The following SAMD5 variants were observed in gnomAD, a reference collection of about 807,000 sequenced individuals.
SAMD5 encodes sterile alpha motif domain-containing protein 5.
SAMD5 carries 13 observed loss-of-function variants against 11.3 expected under a neutral mutation model. That is an observed-to-expected ratio of 1.15 (90% CI 0.75 to 1.83). The LOEUF (loss-of-function observed/expected upper bound fraction) is 1.83, where lower values mean the gene tolerates loss of function less well. Ranked by LOEUF, SAMD5 falls within the 40% of genes most tolerant of loss-of-function variation. The pLI is 0.00. For missense variants in SAMD5, 255 were observed against 239.1 expected (o/e 1.07, Z -0.44); for synonymous variants, 129 against 111.3 (o/e 1.16, Z -1.00).
At chr6:147,930,955 A>G in the SAMD5 span, among the ~76,000 whole-genome samples, 70,464 of 152,010 alleles carry the variant, frequency 0.46, 16,978 homozygotes, top group South Asian at 0.66. Flanking sequence ...AGTCTCCTCC[A>G]GAAACACCCT....
the SAMD5 span, among the ~76,000 whole-genome samples, chr6:147,929,777 G>A: frequency 3.3e-5 from 5 of 152,198 alleles, no homozygotes; most frequent in South Asian, 4.2e-4. Flanking sequence ...GTAACATTGG[G>A]GGGGAAAGTA....
chr6:147,566,427 C>T lies in SAMD5; in HGVS notation c.*1971C>T, dbSNP rs191850509. On this transcript the variant is annotated 3_prime_UTR_variant, in exon 2 of 2. Coordinates refer to ENST00000367474, the MANE Select transcript of SAMD5 (RefSeq NM_001030060.3). ...CCTGTTTGACCTCATTTCCAGGTGT[C>T]GCATCCGTGGCTGATTTATTTCACA... 95 of 984,514 alleles carry T rather than the reference C, an allele frequency of 9.6e-5. No homozygotes were observed. Among genetic ancestry groups the T allele is most frequent in the South Asian group, 9.4e-5 (2 of 21,254 alleles). 61.0% of individuals were successfully genotyped at this position (984,514 alleles called of 1,614,324 possible).
At chr6:147,579,512 C>T (rs1470200483) in intron 1 of SAMD5, among the ~76,000 whole-genome samples, 1 of 119,246 alleles carries the variant, frequency 8.4e-6, no homozygotes, top group Non-Finnish European at 1.6e-5. Context: ...GCAGTGCAGG[C>T]TAAAGTGCAG....
chr6:147,668,749 C>T (rs2128455232), intron 1 of SAMD5, among the ~76,000 whole-genome samples: 1 of 152,168 alleles, frequency 6.6e-6, no homozygotes, highest in South Asian at 2.1e-4. Flanking sequence ...GAGGCTGAGG[C>T]AGGAGAATAG....
chr6:147,577,891 A>T (rs1209475543), intron 1 of SAMD5, among the ~76,000 whole-genome samples: 1 of 152,156 alleles, frequency 6.6e-6, no homozygotes, highest in African/African-American at 2.4e-5. Flanking sequence ...CCACATCACA[A>T]ACCATAGCAT....
chr6:147,936,433 T>G, the SAMD5 span, among the ~76,000 whole-genome samples: 2 of 121,326 alleles, frequency 1.6e-5, no homozygotes, highest in African/African-American at 3.2e-5. Flanking sequence ...AGAGCAGGAG[T>G]GGCGAGGGGC....
At chr6:147,914,009 T>C in the SAMD5 span, among the ~76,000 whole-genome samples, 1 of 151,994 alleles carries the variant, frequency 6.6e-6, no homozygotes, top group Non-Finnish European at 1.5e-5. Context: ...GAGAAATAGG[T>C]GATTGCAGTG....
At chr6:147,694,135 C>T (rs1317876348) in intron 1 of SAMD5, among the ~76,000 whole-genome samples, 4 of 152,236 alleles carry the variant, frequency 2.6e-5, no homozygotes, top group Non-Finnish European at 4.4e-5. Context: ...GTTGGTTCCT[C>T]TGCAAATTAA....
chr6:147,603,985 G>A (rs568629600), intron 1 of SAMD5, among the ~76,000 whole-genome samples: 4 of 152,126 alleles, frequency 2.6e-5, no homozygotes, highest in Admixed American at 6.5e-5. Flanking sequence ...GAGGTGGCAT[G>A]TATATTTTTA....
the SAMD5 span, among the ~76,000 whole-genome samples, chr6:147,799,862 G>T: frequency 6.6e-6 from 1 of 151,762 alleles, no homozygotes; most frequent in Non-Finnish European, 1.5e-5. Context: ...TGATCACATC[G>T]GCTCCTGAGG....
chr6:147,606,554 TA>T (rs11292352), intron 1 of SAMD5, among the ~76,000 whole-genome samples: 51,174 of 151,402 alleles, frequency 0.34, 8,855 homozygotes, highest in South Asian at 0.37. Flanking sequence ...TATTATTATC[TA>T]AAAAATGACA....
intron 1 of SAMD5, among the ~76,000 whole-genome samples, chr6:147,589,550 TC>T (rs898302020): frequency 6.6e-6 from 1 of 152,122 alleles, no homozygotes; most frequent in Admixed American, 6.5e-5. Flanking sequence ...AGCCAGCCTC[TC>T]CAAGCCTCGG....
At chr6:147,656,550 C>T (rs1422213665) in intron 1 of SAMD5, among the ~76,000 whole-genome samples, 2 of 152,080 alleles carry the variant, frequency 1.3e-5, no homozygotes, top group Non-Finnish European at 2.9e-5. Flanking sequence ...TGAACAAAAA[C>T]TTTATGAACG....
At chr6:147,909,626 T>TTCTCTCTCTCTCTCTCTCTCTCTC in the SAMD5 span, among the ~76,000 whole-genome samples, 3 of 59,280 alleles carry the variant, frequency 5.1e-5, no homozygotes, top group African/African-American at 2.6e-4. Flanking sequence ...CTTTCTTTCT[T>TTCTCTCTCTCTCTCTCTCTCTCTC]TCTTTCTCTT....
chr6:147,690,100 A>G (rs1328698481), intron 1 of SAMD5, among the ~76,000 whole-genome samples: 1 of 152,198 alleles, frequency 6.6e-6, no homozygotes, highest in Non-Finnish European at 1.5e-5. Flanking sequence ...TGTTGGAGAC[A>G]TGTTATAAGT....
chr6:147,831,398 A>C, the SAMD5 span, among the ~76,000 whole-genome samples: 1 of 152,174 alleles, frequency 6.6e-6, no homozygotes, highest in Non-Finnish European at 1.5e-5. Context: ...TGCTCAAGTT[A>C]TTAGCATTCC....
intron 1 of SAMD5, among the ~76,000 whole-genome samples, chr6:147,663,449 A>C (rs1790673288): frequency 6.6e-6 from 1 of 152,114 alleles, no homozygotes; most frequent in Admixed American, 6.6e-5. Context: ...ACAAACCTGC[A>C]CTTGTACCCT....
At chr6:147,954,214 G>A in the SAMD5 span, among the ~76,000 whole-genome samples, 1 of 152,086 alleles carries the variant, frequency 6.6e-6, no homozygotes. Context: ...AGCTCGAATT[G>A]TATTGAATCA....
At chr6:147,535,865 G>T (rs563276472) in intron 1 of SAMD5, among the ~76,000 whole-genome samples, 2 of 152,276 alleles carry the variant, frequency 1.3e-5, no homozygotes, top group East Asian at 3.9e-4. Flanking sequence ...CTTGTACAGG[G>T]ACTCTGTGTG....
Sources: gnomAD v4.1 joint callset for allele counts (sites outside exome capture counted in the v4.1 genomes callset) on GRCh38, gnomAD v4.1.1 for gene constraint, MANE v1.5 for transcripts, NCBI Gene and HGNC (gene_info 2026-07-23, HGNC 2026-07-21) for gene names.